GPC6: variants seen among roughly 807,000 people sequenced by gnomAD.
The protein encoded by GPC6 is glypican-6.
A neutral mutation model predicts 55.2 loss-of-function variants in GPC6; 14 were observed. The observed-to-expected ratio is 0.25, with a 90% confidence interval of 0.17 to 0.40. The LOEUF (loss-of-function observed/expected upper bound fraction) is 0.40. Among genes scored for constraint, GPC6 ranks in the 10% least tolerant of loss-of-function variants. The pLI, the probability that GPC6 is intolerant of heterozygous loss-of-function variation, is 1.00. For missense variants in GPC6, 641 were observed against 708.5 expected (o/e 0.90, Z 1.08); for synonymous variants, 278 against 259.6 (o/e 1.07, Z -0.68).
intron 2 of GPC6, among the ~76,000 whole-genome samples, chr13:93,740,766 A>G (rs1013449853): frequency 2.0e-5 from 3 of 152,242 alleles, no homozygotes; most frequent in African/African-American, 7.2e-5. Flanking sequence ...ATTGAAAAAT[A>G]AATTCAGGTA....
chr13:94,224,009 T>A (rs567561475), intron 4 of GPC6, among the ~76,000 whole-genome samples: 2 of 152,174 alleles, frequency 1.3e-5, no homozygotes, highest in Admixed American at 1.3e-4. Flanking sequence ...GTCCATTTAG[T>A]GCCATTGTTT....
intron 2 of GPC6, among the ~76,000 whole-genome samples, chr13:93,651,191 T>C (rs1880392920): frequency 1.3e-5 from 2 of 152,084 alleles, no homozygotes; most frequent in African/African-American, 4.8e-5. Flanking sequence ...TTAAAATTGT[T>C]ATTAAAAACA....
At chr13:93,562,050 T>G (rs1875841629) in intron 2 of GPC6, among the ~76,000 whole-genome samples, 2 of 152,172 alleles carry the variant, frequency 1.3e-5, no homozygotes, top group Non-Finnish European at 2.9e-5. Context: ...AATTCAAAAT[T>G]TAATAGTCTG....
chr13:94,306,086 G>C lies in GPC6; in HGVS notation c.1115G>C (p.Arg372Thr), dbSNP rs1875929696. ...TRFRPYNPEE[R>T]PTTAAGTSLD... ...TTCAGGCCCTACAATCCTGAGGAAA[G>C]ACCAACAACTGCTGCAGGCACAAGC... is the stretch of plus-strand genomic sequence containing the variant. The change falls in exon 6 of 9, where the codon AGA becomes ACA. Residue 372 changes from arginine (R) to threonine (T), a missense_variant. Coordinates refer to ENST00000377047, the MANE Select transcript of GPC6 (RefSeq NM_005708.5). The C allele has an allele frequency of 1.2e-6, 2 of 1,614,068 alleles. No individual in the cohort carries two copies. Among genetic ancestry groups the C allele is most frequent in the Admixed American group, 1.7e-5 (1 of 60,008 alleles).
intron 4 of GPC6, among the ~76,000 whole-genome samples, chr13:94,031,368 G>A (rs1883131529): frequency 6.6e-6 from 1 of 152,174 alleles, no homozygotes; most frequent in South Asian, 2.1e-4. Context: ...CCTCAGGCCC[G>A]CCCCTTCACT....
At chr13:93,684,133 G>A (rs1004798976) in intron 2 of GPC6, among the ~76,000 whole-genome samples, 3 of 152,060 alleles carry the variant, frequency 2.0e-5, no homozygotes, top group African/African-American at 7.2e-5. Context: ...AGCCATGACA[G>A]ATTTATTACT....
intron 2 of GPC6, among the ~76,000 whole-genome samples, chr13:93,770,921 T>C (rs1885269602): frequency 6.6e-6 from 1 of 152,128 alleles, no homozygotes; most frequent in Non-Finnish European, 1.5e-5. Flanking sequence ...TCTCAATTTG[T>C]TGACTGATGA....
At chr13:93,466,214 T>TA (rs4001863) in intron 1 of GPC6, among the ~76,000 whole-genome samples, 21 of 150,718 alleles carry the variant, frequency 1.4e-4, no homozygotes, top group South Asian at 6.3e-4. Flanking sequence ...TTTCAAATTG[T>TA]AAAAAAAAAC....
At chr13:94,383,064 C>A (rs1002526896) in intron 7 of GPC6, among the ~76,000 whole-genome samples, 6 of 152,156 alleles carry the variant, frequency 3.9e-5, no homozygotes, top group African/African-American at 4.8e-5. Context: ...TTTGGGAAGT[C>A]CCATCGGAAC....
At chr13:94,305,952 T>C (rs751335856) in intron 5 of GPC6, 28 bp from the exon 6 acceptor site, 50 of 1,610,466 alleles carry the variant, frequency 3.1e-5, no homozygotes, top group Non-Finnish European at 4.0e-5. Context: ...ATTGTATAGC[T>C]GTTTTTACTT....
chr13:93,890,718 T>A (rs1344688372), intron 3 of GPC6, among the ~76,000 whole-genome samples: 2 of 146,060 alleles, frequency 1.4e-5, no homozygotes, highest in Non-Finnish European at 3.0e-5. Flanking sequence ...TTTACTTAAT[T>A]TTTTTTTTTT....
intron 2 of GPC6, among the ~76,000 whole-genome samples, chr13:93,568,206 G>A (rs1270746272): frequency 1.3e-5 from 2 of 152,094 alleles, no homozygotes; most frequent in African/African-American, 2.4e-5. Context: ...CAAGTAATAG[G>A]CTGCCTACAT....
intron 3 of GPC6, among the ~76,000 whole-genome samples, chr13:93,923,852 T>G (rs1378301822): frequency 6.6e-6 from 1 of 152,218 alleles, no homozygotes; most frequent in Non-Finnish European, 1.5e-5. Flanking sequence ...AGCATCTATT[T>G]ATTACAGAGC....
chr13:93,314,658 A>G (rs1367306811), intron 1 of GPC6, among the ~76,000 whole-genome samples: 1 of 152,088 alleles, frequency 6.6e-6, no homozygotes, highest in Non-Finnish European at 1.5e-5. Context: ...AGAGAATGCA[A>G]GAGAATGGAG....
intron 1 of GPC6, among the ~76,000 whole-genome samples, chr13:93,457,096 T>C (rs1221812447): frequency 2.6e-5 from 4 of 152,226 alleles, no homozygotes; most frequent in Non-Finnish European, 5.9e-5. Flanking sequence ...CTAAGTTTCC[T>C]GAGGCCTCCC....
intron 4 of GPC6, among the ~76,000 whole-genome samples, chr13:94,058,763 T>C (rs569832509): frequency 9.5e-4 from 144 of 152,086 alleles, no homozygotes; most frequent in African/African-American, 3.4e-3. Context: ...TTCCTTCCCA[T>C]GCATCGCCTT....
chr13:94,298,039 TA>T (rs548064285), intron 5 of GPC6, among the ~76,000 whole-genome samples: 56 of 148,052 alleles, frequency 3.8e-4, no homozygotes, highest in Non-Finnish European at 5.2e-4. Context: ...CCACACTAAT[TA>T]AAAAAAAAAC....
chr13:93,538,232 T>C (rs1882138412), intron 1 of GPC6, among the ~76,000 whole-genome samples: 1 of 152,140 alleles, frequency 6.6e-6, no homozygotes, highest in East Asian at 1.9e-4. Context: ...TTCTTCTAAG[T>C]AGTAGTAGAT....
intron 1 of GPC6, among the ~76,000 whole-genome samples, chr13:93,296,181 A>G (rs1313640887): frequency 6.6e-6 from 1 of 152,134 alleles, no homozygotes; most frequent in Non-Finnish European, 1.5e-5. Context: ...CTTTTGCACA[A>G]ATTAGGAGCC....
Sources: gnomAD v4.1 joint callset for allele counts (sites outside exome capture counted in the v4.1 genomes callset) on GRCh38, gnomAD v4.1.1 for gene constraint, MANE v1.5 for transcripts, NCBI Gene and HGNC (gene_info 2026-07-23, HGNC 2026-07-21) for gene names.